Variants in CFAP61 observed in about 807,000 individuals in gnomAD.
The protein encoded by CFAP61 is cilia and flagella associated protein 61.
A neutral mutation model predicts 135.6 loss-of-function variants in CFAP61; 107 were observed. That is an observed-to-expected ratio of 0.79 (90% CI 0.67 to 0.93). CFAP61 has a LOEUF of 0.93. Ranked by LOEUF, CFAP61 falls within the 40% of genes least tolerant of loss-of-function variation. The probability of loss-of-function intolerance (pLI) is 0.00; values close to 1 mark genes in which losing one functional copy is unlikely to be tolerated. For missense variants in CFAP61, 1,507 were observed against 1,556.2 expected (o/e 0.97, Z 0.53); for synonymous variants, 575 against 578.5 (o/e 0.99, Z 0.09).
intron 13 of CFAP61, chr20:20,171,665 T>C (rs1455085781): frequency 9.0e-6 from 4 of 443,992 alleles, no homozygotes; most frequent in Middle Eastern, 3.7e-4. Context: ...CATAATTTAT[T>C]ATGTAATGCA....
At chr20:20,304,321 AG>A (rs2056319869) in intron 25 of CFAP61, among the ~76,000 whole-genome samples, 1 of 146,366 alleles carries the variant, frequency 6.8e-6, no homozygotes, top group Non-Finnish European at 1.5e-5. Context: ...AGAGAGAGAG[AG>A]AGAGAGAATT....
intron 22 of CFAP61, among the ~76,000 whole-genome samples, chr20:20,286,381 C>G (rs2054590446): frequency 6.6e-6 from 1 of 152,208 alleles, no homozygotes; most frequent in Non-Finnish European, 1.5e-5. Flanking sequence ...CCAATTAGAT[C>G]ATGCGCTCCA....
intron 22 of CFAP61, among the ~76,000 whole-genome samples, chr20:20,281,158 T>C (rs1324428320): frequency 1.3e-5 from 2 of 152,234 alleles, no homozygotes; most frequent in African/African-American, 4.8e-5. Context: ...GCTTTTGTAG[T>C]TGTTTTTTAG....
At chr20:20,125,274 G>T (rs551641913) in intron 8 of CFAP61, among the ~76,000 whole-genome samples, 1 of 151,624 alleles carries the variant, frequency 6.6e-6, no homozygotes, top group South Asian at 2.1e-4. Flanking sequence ...GGTTTGGTTT[G>T]TTCTTCTTTC....
intron 8 of CFAP61, among the ~76,000 whole-genome samples, chr20:20,099,987 C>T (rs1356923823): frequency 6.6e-6 from 1 of 152,054 alleles, no homozygotes; most frequent in Admixed American, 6.6e-5. Flanking sequence ...GATAACAACA[C>T]CCTCCCCAAA....
intron 8 of CFAP61, among the ~76,000 whole-genome samples, chr20:20,102,931 C>T (rs1475988961): frequency 1.3e-5 from 2 of 152,162 alleles, no homozygotes; most frequent in African/African-American, 4.8e-5. Flanking sequence ...TTTCTAGCTC[C>T]TAATACACAT....
rs1170542349 is a variant in CFAP61, at chr20:20,359,564, T to C, written c.3514-646T>C. Among the ~76,000 whole-genome samples, 2 of 152,166 alleles carry C rather than the reference T, an allele frequency of 1.3e-5. No individual in the cohort carries two copies. Among genetic ancestry groups the C allele is most frequent in the East Asian group, 3.9e-4 (2 of 5,156 alleles). On this transcript the variant is annotated intron_variant, in intron 26 of 26. Transcript: ENST00000245957. The surrounding 1 kb of genome is among the most constrained non-coding windows in gnomAD (Gnocchi z 4.0). Reference sequence around the variant, plus strand: ...CTGTAGTCCCAGCTACTTGGGAGGCTGAGGCAGGAGAATAGTTTGAACCTG... The same window carrying C: ...CTGTAGTCCCAGCTACTTGGGAGGCCGAGGCAGGAGAATAGTTTGAACCTG...
intron 25 of CFAP61, among the ~76,000 whole-genome samples, chr20:20,336,090 TC>T (rs1385037273): frequency 1.3e-5 from 2 of 152,150 alleles, no homozygotes; most frequent in South Asian, 2.1e-4. Flanking sequence ...TGGGTTTGTG[TC>T]CCCAGATGAA....
intron 24 of CFAP61, among the ~76,000 whole-genome samples, chr20:20,297,364 T>G (rs2055720954): frequency 6.6e-6 from 1 of 152,206 alleles, no homozygotes; most frequent in Non-Finnish European, 1.5e-5. Context: ...TATTGAGCGT[T>G]GCTGTGTACT....
chr20:20,088,740 T>G (rs1313837005), intron 6 of CFAP61, among the ~76,000 whole-genome samples: 5 of 152,140 alleles, frequency 3.3e-5, no homozygotes, highest in Non-Finnish European at 7.4e-5. Flanking sequence ...CTGTGTGTGT[T>G]TTTTCCTCCT....
chr20:20,168,618 A>G (rs1372727404), intron 12 of CFAP61, among the ~76,000 whole-genome samples: 1 of 152,164 alleles, frequency 6.6e-6, no homozygotes, highest in African/African-American at 2.4e-5. Flanking sequence ...CCATTTTTTT[A>G]ATTTAAATGA....
At chr20:20,355,771 C>G (rs1489258688) in intron 26 of CFAP61, among the ~76,000 whole-genome samples, 4 of 124,332 alleles carry the variant, frequency 3.2e-5, no homozygotes, top group African/African-American at 1.3e-4. Context: ...GATGGTCACA[C>G]TGTGAGGGGA....
At chr20:20,231,688 G>A (rs2049149538) in intron 18 of CFAP61, among the ~76,000 whole-genome samples, 1 of 152,224 alleles carries the variant, frequency 6.6e-6, no homozygotes, top group African/African-American at 2.4e-5. Context: ...AGCCAGCGCA[G>A]GAGCATGCGT....
intron 8 of CFAP61, among the ~76,000 whole-genome samples, chr20:20,111,265 G>A (rs1306916041): frequency 6.6e-6 from 1 of 152,094 alleles, no homozygotes; most frequent in Non-Finnish European, 1.5e-5. Flanking sequence ...CTGAGATTAG[G>A]AATCTCAAAC....
intron 21 of CFAP61, among the ~76,000 whole-genome samples, chr20:20,274,411 A>G (rs907028940): frequency 2.0e-5 from 3 of 152,236 alleles, no homozygotes; most frequent in African/African-American, 7.2e-5. Flanking sequence ...CTATAATCCC[A>G]GCACTTTGGG....
chr20:20,265,675 G>A, intron 21 of CFAP61: 1 of 588,578 alleles, frequency 1.7e-6, no homozygotes, highest in South Asian at 2.0e-5. Context: ...CACCTCTCAG[G>A]TAGGTGCTCT....
At chr20:20,059,953 T>A (rs1017401063) in intron 2 of CFAP61, among the ~76,000 whole-genome samples, 29 of 152,154 alleles carry the variant, frequency 1.9e-4, no homozygotes, top group Non-Finnish European at 2.2e-4. Context: ...AAGCACTACT[T>A]CTTACATCTG....
intron 15 of CFAP61, among the ~76,000 whole-genome samples, chr20:20,192,644 G>C (rs1351585547): frequency 1.3e-5 from 2 of 152,048 alleles, no homozygotes; most frequent in African/African-American, 4.8e-5. Context: ...CCCCATCCTT[G>C]TAAATATTAC....
At chr20:20,169,533 C>A in intron 13 of CFAP61, 73 bp downstream of exon 13, 3 of 1,275,618 alleles carry the variant, frequency 2.4e-6, no homozygotes, top group Non-Finnish European at 2.1e-6. Context: ...GAACTCCCTG[C>A]TATTATAATT....
Sources: gnomAD v4.1 joint callset for allele counts (sites outside exome capture counted in the v4.1 genomes callset) on GRCh38, gnomAD v4.1.1 for gene constraint, Gnocchi (gnomAD v3.1) non-coding constraint, MANE v1.5 for transcripts, NCBI Gene and HGNC (gene_info 2026-07-23, HGNC 2026-07-21) for gene names.